The following PDE4D variants were observed in gnomAD, a reference collection of about 807,000 sequenced individuals.
The protein encoded by PDE4D is 3',5'-cyclic-AMP phosphodiesterase 4D.
In PDE4D, 24 loss-of-function variants were observed where a neutral mutation model predicts 87.4. The ratio of observed to expected loss-of-function variants is 0.27; its 90% CI spans 0.20 to 0.39. The LOEUF (loss-of-function observed/expected upper bound fraction) is 0.39, where lower values mean the gene tolerates loss of function less well. Ranked by LOEUF, PDE4D falls within the 10% of genes least tolerant of loss-of-function variation. PDE4D has a pLI of 1.00. For synonymous variants in PDE4D, 384 were observed against 383.2 expected (o/e 1.00, Z -0.02); for missense variants, 714 against 1,041.0 (o/e 0.69, Z 4.32).
At chr5:60,068,519 C>T (rs537305129) in intron 2 of PDE4D, among the ~76,000 whole-genome samples, 79 of 151,952 alleles carry the variant, frequency 5.2e-4, no homozygotes, top group Admixed American at 3.0e-3. Context: ...ATCAGATATA[C>T]GGTTTGCAAA....
intron 1 of PDE4D, among the ~76,000 whole-genome samples, chr5:59,668,308 A>G (rs1217397688): frequency 6.6e-6 from 1 of 152,234 alleles, no homozygotes; most frequent in African/African-American, 2.4e-5. Context: ...AGAAAGCCTT[A>G]CTATGATCAT....
In PDE4D at chr5:59,737,024, A is replaced by C. The variant is rs149822535; in HGVS notation, c.455+156144T>G. Among the ~76,000 whole-genome samples the C allele has an allele frequency of 6.4e-3, 976 of 152,282 alleles. 11 individuals are homozygous for C. Among genetic ancestry groups the C allele is most frequent in the African/African-American group, 0.021 (893 of 41,572 alleles). Reference sequence around the variant, plus strand: ...AATATAATATGAAAAATGAATATAAATGTATTAGGTTACAGATGTTTTTCA... The same window carrying C: ...AATATAATATGAAAAATGAATATAACTGTATTAGGTTACAGATGTTTTTCA... On this transcript the variant is annotated intron_variant, in intron 1 of 14. Transcript: ENST00000340635.
At chr5:60,157,340 C>T (rs1782063282) in intron 2 of PDE4D, among the ~76,000 whole-genome samples, 1 of 152,102 alleles carries the variant, frequency 6.6e-6, no homozygotes, top group South Asian at 2.1e-4. Context: ...AAGTACCATG[C>T]AGTGTTCTAG....
intron 1 of PDE4D, among the ~76,000 whole-genome samples, chr5:59,873,028 G>A (rs796200235): frequency 5.3e-5 from 8 of 152,226 alleles, no homozygotes; most frequent in African/African-American, 1.9e-4. Context: ...TTTACATTGT[G>A]AAAGGTACCT....
intron 1 of PDE4D, among the ~76,000 whole-genome samples, chr5:59,807,524 C>T (rs146072352): frequency 0.019 from 2,878 of 152,244 alleles, 42 homozygotes; most frequent in South Asian, 0.05. Flanking sequence ...AGAGGTGCTT[C>T]GTGGTTCCAG....
chr5:60,364,290 C>T (rs1046856996), intron 1 of PDE4D, among the ~76,000 whole-genome samples: 1 of 152,012 alleles, frequency 6.6e-6, no homozygotes, highest in South Asian at 2.1e-4. Context: ...ATTACCCAAG[C>T]CAGGATCTAT....
chr5:59,836,039 A>G (rs1741974501), intron 1 of PDE4D, among the ~76,000 whole-genome samples: 1 of 152,026 alleles, frequency 6.6e-6, no homozygotes, highest in African/African-American at 2.4e-5. Context: ...AAAATAAAAT[A>G]AATAGGAGGG....
chr5:59,593,486 C>G (rs1451617228), intron 1 of PDE4D, among the ~76,000 whole-genome samples: 1 of 152,150 alleles, frequency 6.6e-6, no homozygotes, highest in Non-Finnish European at 1.5e-5. Context: ...CACTCAACCT[C>G]CCAGTAAAAA....
intron 1 of PDE4D, among the ~76,000 whole-genome samples, chr5:60,321,525 A>G (rs1295091405): frequency 6.6e-6 from 1 of 152,218 alleles, no homozygotes; most frequent in Non-Finnish European, 1.5e-5. Flanking sequence ...CAATTGCAAC[A>G]AAAATAAAAC....
chr5:59,942,961 T>C (rs1002168987), intron 3 of PDE4D, among the ~76,000 whole-genome samples: 2 of 150,714 alleles, frequency 1.3e-5, no homozygotes, highest in Admixed American at 1.3e-4. Context: ...GGGTAAAGAA[T>C]GCTGCTAAAT....
At chr5:59,073,568 T>C (rs887023810) in intron 5 of PDE4D, among the ~76,000 whole-genome samples, 2 of 150,234 alleles carry the variant, frequency 1.3e-5, no homozygotes, top group African/African-American at 4.9e-5. Flanking sequence ...ATTATGGAAA[T>C]GTATTTATAA....
chr5:60,246,994 A>T (rs1033916779), intron 1 of PDE4D, among the ~76,000 whole-genome samples: 29 of 152,040 alleles, frequency 1.9e-4, no homozygotes, highest in African/African-American at 7.0e-4. Flanking sequence ...TACAAATTCA[A>T]TTCCCAAACC....
chr5:60,402,728 T>C (rs1224251553), intron 1 of PDE4D, among the ~76,000 whole-genome samples: 2 of 152,236 alleles, frequency 1.3e-5, no homozygotes, highest in African/African-American at 4.8e-5. Flanking sequence ...TGATGCTTAA[T>C]ATCCAGGAAG....
intron 1 of PDE4D, among the ~76,000 whole-genome samples, chr5:60,221,029 C>G (rs776799852): frequency 1.3e-4 from 20 of 152,010 alleles, no homozygotes; most frequent in Non-Finnish European, 2.8e-4. Flanking sequence ...TGAGAAACAA[C>G]CTAAAGGTCT....
At position 60,475,581 on chromosome 5, in the gene PDE4D, T is replaced by C. The variant is rs1748246630; in HGVS notation, c.-90+12361A>G. Among the ~76,000 whole-genome samples, 3 of 151,932 alleles carry C rather than the reference T, an allele frequency of 2.0e-5. No individual in the cohort carries two copies. The South Asian group carries it at 6.2e-4, about 31-fold the overall frequency. Reference sequence around the variant, plus strand: ...TAAGGAAAACAAAATATACCACTCTTGAGTAAGATCTAAATACAAGAACCA... The same window carrying C: ...TAAGGAAAACAAAATATACCACTCTCGAGTAAGATCTAAATACAAGAACCA... On this transcript the variant is annotated intron_variant, in intron 1 of 16. Coordinates refer to the PDE4D transcript ENST00000502484.
chr5:60,367,415 C>T (rs1232491374), intron 1 of PDE4D, among the ~76,000 whole-genome samples: 1 of 148,798 alleles, frequency 6.7e-6, no homozygotes, highest in East Asian at 2.0e-4. Flanking sequence ...CACGCCATTG[C>T]ACTCCAGCGT....
At chr5:60,049,303 T>C (rs1283139681) in intron 2 of PDE4D, among the ~76,000 whole-genome samples, 1 of 152,198 alleles carries the variant, frequency 6.6e-6, no homozygotes, top group Non-Finnish European at 1.5e-5. Flanking sequence ...TCTTTACCTT[T>C]GGTTTGAATG....
chr5:60,280,073 T>C (rs1751746240), intron 1 of PDE4D, among the ~76,000 whole-genome samples: 1 of 151,894 alleles, frequency 6.6e-6, no homozygotes, highest in African/African-American at 2.4e-5. Flanking sequence ...CAAGGCCCTG[T>C]CTCAAAAAGG....
At chr5:59,798,170 C>G (rs746594723) in intron 1 of PDE4D, among the ~76,000 whole-genome samples, 1 of 151,864 alleles carries the variant, frequency 6.6e-6, no homozygotes, top group Non-Finnish European at 1.5e-5. Flanking sequence ...GAGGTTGAGG[C>G]TGCAGTGAGC....
Sources: allele counts gnomAD v4.1 joint callset (sites outside exome capture counted in the v4.1 genomes callset), GRCh38; gene constraint gnomAD v4.1.1; transcripts MANE v1.5; gene names NCBI Gene and HGNC (gene_info 2026-07-23, HGNC 2026-07-21).